RASGRP2: variants seen among roughly 807,000 people sequenced by gnomAD.
RASGRP2 encodes RAS guanyl releasing protein 2.
Under a neutral mutation model 71.0 loss-of-function variants are expected in RASGRP2, and 44 were observed. The ratio of observed to expected loss-of-function variants is 0.62; its 90% CI spans 0.49 to 0.80. The LOEUF (loss-of-function observed/expected upper bound fraction) is 0.80. Ranked by LOEUF, RASGRP2 falls within the 30% of genes least tolerant of loss-of-function variation. The pLI, the probability that RASGRP2 is intolerant of heterozygous loss-of-function variation, is 0.00. For synonymous variants in RASGRP2, 350 were observed against 330.7 expected (o/e 1.06, Z -0.63); for missense variants, 663 against 813.4 (o/e 0.82, Z 2.25).
chr11:64,741,298 C>G (rs2058113288), intron 4 of RASGRP2, 141 bp downstream of exon 4: 1 of 1,107,174 alleles, frequency 9.0e-7, no homozygotes, highest in African/African-American at 1.6e-5. Flanking sequence ...AGGGGTGAGC[C>G]TGTGGCAGCA....
chr11:64,727,889 C>T (rs897535749), intron 15 of RASGRP2, among the ~76,000 whole-genome samples: 3 of 152,128 alleles, frequency 2.0e-5, no homozygotes, highest in African/African-American at 7.2e-5. Flanking sequence ...GATTTGTCAG[C>T]GCAGTTTGCT....
In RASGRP2 at chr11:64,739,725, C is replaced by T. The variant is rs776573272; in HGVS notation, c.607G>A (p.Val203Ile). The T allele has an allele frequency of 4.3e-6, 7 of 1,613,916 alleles. No individual in the cohort carries two copies. The South Asian group carries it at 4.4e-5, about 10-fold the overall frequency. Reference sequence around the variant, plus strand: ...ATCATGAGCTGCACCCACTGTGAGACGCTGTTGAAGAGGGAGATGAACCGC... The same window carrying T: ...ATCATGAGCTGCACCCACTGTGAGATGCTGTTGAAGAGGGAGATGAACCGC... ...LERFISLFNS[V>I]SQWVQLMILS... Residue 203 changes from valine (V) to isoleucine (I), a missense_variant, in exon 7 of 17, where the codon GTC (valine) becomes ATC (isoleucine). Physicochemically the swap from Val to Ile is conservative, Grantham distance 29. Coordinates refer to ENST00000394432, the MANE Select transcript of RASGRP2 (RefSeq NM_001098671.2). This position sits in a 1 kb window ranked among gnomAD's most constrained non-coding sequence, Gnocchi z 4.2.
In RASGRP2 at chr11:64,728,903, G is replaced by A. The variant is rs752280523; in HGVS notation, c.1731C>T (p.Phe577=). Residue 577 remains phenylalanine (F), a synonymous_variant, in exon 15 of 17, where the codon TTC becomes TTT. Coordinates refer to ENST00000394432, the MANE Select transcript of RASGRP2 (RefSeq NM_001098671.2). ...MHSHHHRAFS[F]SLPRPGRRGS... is the part of the protein sequence containing the mutation. ...CTCGCCTGCCAGGGCGGGGCAGAGA[G>A]AAGCTGAAGGCGCGGTGATGGTGGC... 5.0e-6 allele frequency: 8 copies of A among 1,612,948 alleles called. No homozygotes were observed. In the East Asian group the frequency reaches 1.8e-4, roughly 36 times the overall value.
Position 64,740,167 on chromosome 11 carries a change from G to T in RASGRP2, c.372-4C>A, listed in dbSNP as rs773617985. ...CCGCTTCCACTTGTAGGTAGGGCTG[G>T]GGGGGCAGGGGTAGTGAGCCCTTTG... On this transcript the variant is annotated splice_region_variant and splice_polypyrimidine_tract_variant and intron_variant, in intron 5 of 16. Transcript: ENST00000394432. 28 of 1,613,862 alleles carry T rather than the reference G, an allele frequency of 1.7e-5. No homozygotes were observed. The highest frequency in any genetic ancestry group is 3.4e-6 in the Non-Finnish European group (4 of 1,180,012).
Position 64,740,106 on chromosome 11 carries a change from C to T in RASGRP2, c.429G>A (p.Lys143=), listed in dbSNP as rs752140782. Residue 143 remains lysine (K), a synonymous_variant, in exon 6 of 17, where the codon AAG becomes AAA. Coordinates refer to ENST00000394432, the MANE Select transcript of RASGRP2 (RefSeq NM_001098671.2). ...GGTCAAACAACAGGGACATCTTGCG[C>T]TTTTTCTGTCCCACAGGGTTCCGCT... ...VTQRNPVGQK[K]RKMSLLFDHL... 2 of 1,614,034 alleles carry T rather than the reference C, an allele frequency of 1.2e-6. No individual in the cohort carries two copies. Among genetic ancestry groups the T allele is most frequent in the African/African-American group, 1.3e-5 (1 of 74,918 alleles).
Position 64,742,703 on chromosome 11 carries a change from G to A in RASGRP2, c.73+91C>T. The A allele has an allele frequency of 6.6e-7, 1 of 1,524,058 alleles. No individual in the cohort carries two copies. The highest frequency in any genetic ancestry group is 8.9e-7 in the Non-Finnish European group (1 of 1,125,202). The allele number at this position is 1,524,058 out of a possible 1,614,324, so 94.4% of individuals were successfully genotyped here. On this transcript the variant is annotated intron_variant, in intron 2 of 16. Transcript: ENST00000394432. This position sits in a 1 kb window ranked among gnomAD's most constrained non-coding sequence, Gnocchi z 4.7. ...GCGGAGCAGGGTGGGTCCGGGTCAG[G>A]GCTGTGCCCTGGACTGTGCCTGGGA...
Position 64,735,287 on chromosome 11 carries a change from T to G in RASGRP2, c.1297-60A>C. On this transcript the variant is annotated intron_variant, in intron 11 of 16. Coordinates refer to ENST00000394432, the MANE Select transcript of RASGRP2 (RefSeq NM_001098671.2). This position sits in a 1 kb window ranked among gnomAD's most constrained non-coding sequence, Gnocchi z 4.2. ...AGGGGAGAGTAAAGGGGACATCAGG[T>G]CCTGTCCCTTCCCACGTTCCCAGTC... 1 of 1,391,134 alleles carries G rather than the reference T, an allele frequency of 7.2e-7. No individual in the cohort carries two copies. Among genetic ancestry groups the G allele is most frequent in the Non-Finnish European group, 1.0e-6 (1 of 980,128 alleles). The allele number at this position is 1,391,134 out of a possible 1,614,324, so 86.2% of individuals were successfully genotyped here. A position where few individuals can be genotyped will look rare whatever the true frequency, so the allele number is the denominator to read the frequency against.
At chr11:64,736,510 G>A (rs182723754) in intron 9 of RASGRP2, among the ~76,000 whole-genome samples, 12 of 152,184 alleles carry the variant, frequency 7.9e-5, no homozygotes, top group East Asian at 5.8e-4. Context: ...AACTCAACCC[G>A]GGACCCAGGC....
rs2058075177 is a variant in RASGRP2, at chr11:64,740,151, C to T, written c.384G>A (p.Lys128=). ...LIDIDSVPTY[K]WKRQVTQRNP... is the part of the protein sequence containing the mutation. ...TCCGCTGAGTCACCTGCCGCTTCCA[C>T]TTGTAGGTAGGGCTGGGGGGGCAGG... The change falls in exon 6 of 17, where the codon AAG becomes AAA. Residue 128 remains lysine (K), a synonymous_variant. Transcript: ENST00000394432. 6.2e-7 allele frequency: 1 copy of T among 1,614,096 alleles called. No homozygotes were observed. Among genetic ancestry groups the T allele is most frequent in the Non-Finnish European group, 8.5e-7 (1 of 1,180,022 alleles).
chr11:64,742,899 T>A lies in RASGRP2; in HGVS notation c.-33A>T, dbSNP rs749796730. 4 of 1,559,742 alleles carry A rather than the reference T, an allele frequency of 2.6e-6. No individual in the cohort carries two copies. Among genetic ancestry groups the A allele is most frequent in the Non-Finnish European group, 3.5e-6 (4 of 1,157,298 alleles). On this transcript the variant is annotated 5_prime_UTR_variant, in exon 2 of 17. Transcript: ENST00000394432. This position sits in a 1 kb window ranked among gnomAD's most constrained non-coding sequence, Gnocchi z 4.7. ...GGCGCGGGGTGGGCTGGGCCCAGGC[T>A]GCGCTCCGGGAGCCTCCCACCGGGC...
rs575756085 is a variant in RASGRP2 at position 64,739,907 on chromosome 11, A to C, written c.523-98T>G. 4 of 1,603,664 alleles carry C rather than the reference A, an allele frequency of 2.5e-6. No individual in the cohort carries two copies. Among genetic ancestry groups the C allele is most frequent in the African/African-American group, 2.7e-5 (2 of 74,732 alleles). ...GCTGACCTTCAGTGGTTACACTGAA[A>C]CCCCTGATGCACCCTGTGACCCAGC... is the stretch of plus-strand genomic sequence containing the variant. On this transcript the variant is annotated intron_variant, in intron 6 of 16. Coordinates refer to ENST00000394432, the MANE Select transcript of RASGRP2 (RefSeq NM_001098671.2). The surrounding 1 kb of genome is among the most constrained non-coding windows in gnomAD (Gnocchi z 4.2).
At chr11:64,733,631 A>G (rs920101172) in intron 12 of RASGRP2, among the ~76,000 whole-genome samples, 1 of 152,150 alleles carries the variant, frequency 6.6e-6, no homozygotes, top group African/African-American at 2.4e-5. Flanking sequence ...TAAAGCAGCT[A>G]TGATAAAAGC....
intron 9 of RASGRP2, among the ~76,000 whole-genome samples, chr11:64,736,375 GACC>G (rs1315570443): frequency 6.6e-6 from 1 of 151,380 alleles, no homozygotes; most frequent in Non-Finnish European, 1.5e-5. Flanking sequence ...TCCCACCCTA[GACC>G]CCAAGACCAA....
intron 5 of RASGRP2, 107 bp downstream of exon 5, chr11:64,740,841 G>T: frequency 6.8e-7 from 1 of 1,478,124 alleles, no homozygotes; most frequent in Non-Finnish European, 9.5e-7. Context: ...GTTTTTAAGC[G>T]AGAGAGCAAC....
At position 64,739,361 on chromosome 11, in the gene RASGRP2, T is replaced by A. The variant is rs750985978; in HGVS notation, c.812A>T (p.Lys271Met). The A allele has an allele frequency of 6.8e-6, 11 of 1,613,628 alleles. No individual in the cohort carries two copies. Among genetic ancestry groups the A allele is most frequent in the Non-Finnish European group, 9.3e-6 (11 of 1,179,584 alleles). ...THSHVSPETIKLWEGLTELVT... is the reference protein window; with the variant it reads ...THSHVSPETIMLWEGLTELVT... ...CGGCCCCTCCCCAGTCCCAGGCACC[T>A]TGATGGTCTCAGGGCTAACGTGGCT... Residue 271 changes from lysine to methionine, a missense_variant and splice_region_variant, in exon 8 of 17, where the codon AAG becomes ATG. Physicochemically the swap from Lys to Met is moderately conservative, Grantham distance 95 (BLOSUM62 -1). Transcript: ENST00000394432. The surrounding 1 kb of genome is among the most constrained non-coding windows in gnomAD (Gnocchi z 4.2).
Position 64,741,076 on chromosome 11 carries a change from G to C in RASGRP2, c.243C>G (p.Tyr81Ter). ...ACTCCGCTGGGAAGGCGGAGATCCA[G>C]TACCTGGAGGAGCGGGGAGTCACCC... ...LQVKTCHLVR[Y>*]WISAFPAEFD... Residue 81 changes from tyrosine to a stop codon, truncating the protein, a stop_gained, in exon 5 of 17, where the codon TAC becomes TAG. Coordinates refer to ENST00000394432, the MANE Select transcript of RASGRP2 (RefSeq NM_001098671.2). LOFTEE classifies it high-confidence loss of function. The C allele has an allele frequency of 6.2e-7, 1 of 1,612,652 alleles. No homozygotes were observed.
intron 8 of RASGRP2, among the ~76,000 whole-genome samples, chr11:64,738,513 T>C (rs2058019891): frequency 6.6e-6 from 1 of 152,152 alleles, no homozygotes; most frequent in South Asian, 2.1e-4. Context: ...CTTGGCTCAC[T>C]GCAACCTCCG....
chr11:64,736,324 C>T (rs2057937674), intron 9 of RASGRP2, among the ~76,000 whole-genome samples: 1 of 152,152 alleles, frequency 6.6e-6, no homozygotes. Context: ...AGCCCCAGCC[C>T]AATGTCTAGA....
rs766392639 is a variant in RASGRP2 at position 64,728,935 on chromosome 11, T to TGGGTGA, written c.1693_1698dup (p.Ser565_Pro566dup). On this transcript the variant is annotated inframe_insertion, in exon 15 of 17. Coordinates refer to ENST00000394432, the MANE Select transcript of RASGRP2 (RefSeq NM_001098671.2). Reference sequence around the variant, plus strand: ...AAGGCGCGGTGATGGTGGCTGTGCATGGGTGAGGGTGAGGGTGCAGACCCC... The same window carrying TGGGTGA: ...AAGGCGCGGTGATGGTGGCTGTGCATGGGTGAGGGTGAGGGTGAGGGTGCAGACCCC... 9 of 1,612,964 alleles carry TGGGTGA rather than the reference T, an allele frequency of 5.6e-6. No homozygotes were observed. Among genetic ancestry groups the TGGGTGA allele is most frequent in the African/African-American group, 5.3e-5 (4 of 74,924 alleles).
Sources: gnomAD v4.1 joint callset for allele counts (sites outside exome capture counted in the v4.1 genomes callset) on GRCh38, gnomAD v4.1.1 for gene constraint, Gnocchi (gnomAD v3.1) non-coding constraint, MANE v1.5 for transcripts, NCBI Gene and HGNC (gene_info 2026-07-23, HGNC 2026-07-21) for gene names.